Variants in SCHIP1 observed in about 807,000 individuals in gnomAD.
The protein encoded by SCHIP1 is schwannomin interacting protein 1, also known as schwannomin-interacting protein 1.
A neutral mutation model predicts 29.7 loss-of-function variants in SCHIP1; 8 were observed. The ratio of observed to expected loss-of-function variants is 0.27; its 90% CI spans 0.16 to 0.49. The LOEUF (loss-of-function observed/expected upper bound fraction) is 0.49, where lower values mean the gene tolerates loss of function less well. Among genes scored for constraint, SCHIP1 ranks in the 20% least tolerant of loss-of-function variants. The pLI is 0.99. For synonymous variants in SCHIP1, 76 were observed against 94.9 expected, an observed-to-expected ratio of 0.80 and a Z score of 1.16; for missense variants, 193 against 294.6, an observed-to-expected ratio of 0.66 and a Z score of 2.52.
At chr3:159,709,530 C>T in the SCHIP1 span, among the ~76,000 whole-genome samples, 3 of 152,156 alleles carry the variant, frequency 2.0e-5, no homozygotes, top group Admixed American at 1.3e-4. Context: ...TTATTTGCTT[C>T]CCAAAAAAAC....
the SCHIP1 span, among the ~76,000 whole-genome samples, chr3:159,656,695 A>G: frequency 1.3e-5 from 2 of 152,218 alleles, no homozygotes; most frequent in Non-Finnish European, 2.9e-5. Flanking sequence ...TAAAGTGCTT[A>G]GAAAGCCCCC....
chr3:159,834,236 G>C, the SCHIP1 span, among the ~76,000 whole-genome samples: 1 of 152,182 alleles, frequency 6.6e-6, no homozygotes, highest in African/African-American at 2.4e-5. Context: ...CAAGATGTAA[G>C]TTCTAAGGAA....
At chr3:159,756,271 G>A in the SCHIP1 span, among the ~76,000 whole-genome samples, 2 of 152,202 alleles carry the variant, frequency 1.3e-5, no homozygotes, top group Non-Finnish European at 2.9e-5. Flanking sequence ...CTAGGTGGAG[G>A]TTCCCAAACC....
At chr3:159,668,408 A>G in the SCHIP1 span, among the ~76,000 whole-genome samples, 1 of 150,102 alleles carries the variant, frequency 6.7e-6, no homozygotes, top group African/African-American at 2.5e-5. Flanking sequence ...AGTGAGTCCC[A>G]TGAAGGACTT....
the SCHIP1 span, among the ~76,000 whole-genome samples, chr3:159,603,245 T>C: frequency 2.6e-4 from 39 of 152,298 alleles, no homozygotes; most frequent in African/African-American, 8.7e-4. Flanking sequence ...TTCCATGCCT[T>C]CCCTAGGTAT....
the SCHIP1 span, among the ~76,000 whole-genome samples, chr3:159,341,784 C>G: frequency 3.9e-5 from 6 of 152,048 alleles, no homozygotes; most frequent in South Asian, 1.2e-3. Context: ...TGTATCTAAA[C>G]CAAAAGTCCT....
At chr3:159,886,392 T>G in intron 3 of SCHIP1, 68 bp downstream of exon 4, 5 of 1,413,296 alleles carry the variant, frequency 3.5e-6, no homozygotes, top group Non-Finnish European at 5.0e-6. Context: ...TCTTTTCTGT[T>G]GTAAGGTGAA....
the SCHIP1 span, among the ~76,000 whole-genome samples, chr3:159,556,920 TAATAA>T: frequency 6.7e-5 from 10 of 148,992 alleles, no homozygotes; most frequent in African/African-American, 1.5e-4. Context: ...AGTATAATAA[TAATAA>T]AATAAAATAA....
chr3:159,299,084 A>G, the SCHIP1 span, among the ~76,000 whole-genome samples: 1 of 152,226 alleles, frequency 6.6e-6, no homozygotes, highest in East Asian at 1.9e-4. Context: ...ATAATGAGTC[A>G]GAAACTTTCC....
At chr3:159,792,337 T>C in the SCHIP1 span, among the ~76,000 whole-genome samples, 2 of 152,168 alleles carry the variant, frequency 1.3e-5, no homozygotes, top group Admixed American at 6.5e-5. Context: ...TTCTACCGCC[T>C]AAGAGTCTCA....
the SCHIP1 span, among the ~76,000 whole-genome samples, chr3:159,522,801 G>A: frequency 2.6e-5 from 4 of 152,266 alleles, no homozygotes; most frequent in Non-Finnish European, 2.9e-5. Context: ...CCTGGGAGGC[G>A]GAGCTTGCAG....
the SCHIP1 span, among the ~76,000 whole-genome samples, chr3:159,360,301 T>G: frequency 6.6e-6 from 1 of 152,180 alleles, no homozygotes; most frequent in Non-Finnish European, 1.5e-5. Flanking sequence ...TATAGTAGTA[T>G]TCACTTTTTC....
chr3:159,613,671 C>A, the SCHIP1 span, among the ~76,000 whole-genome samples: 1 of 152,166 alleles, frequency 6.6e-6, no homozygotes, highest in Non-Finnish European at 1.5e-5. Context: ...AACCATCTGG[C>A]TAGAGAAGCC....
intron 1 of SCHIP1, among the ~76,000 whole-genome samples, chr3:159,847,724 C>T (rs1384962021): frequency 2.0e-5 from 3 of 152,156 alleles, no homozygotes; most frequent in African/African-American, 7.2e-5. Context: ...GATACTCTGT[C>T]TACTCCCAGC....
the SCHIP1 span, among the ~76,000 whole-genome samples, chr3:159,704,232 C>T: frequency 6.6e-6 from 1 of 151,900 alleles, no homozygotes; most frequent in South Asian, 2.1e-4. Flanking sequence ...CTCAGGAGTT[C>T]AAGGTCAGCC....
chr3:159,721,517 A>T, the SCHIP1 span: 21 of 159,808 alleles, frequency 1.3e-4, no homozygotes, highest in African/African-American at 4.1e-4. Context: ...CATTCTACAC[A>T]TCTCAGTACT....
chr3:159,736,468 C>G, the SCHIP1 span, among the ~76,000 whole-genome samples: 1 of 152,302 alleles, frequency 6.6e-6, no homozygotes, highest in Non-Finnish European at 1.5e-5. Flanking sequence ...CTTGATACAT[C>G]TTTGACTCCC....
the SCHIP1 span, among the ~76,000 whole-genome samples, chr3:159,299,331 C>G: frequency 6.6e-6 from 1 of 152,108 alleles, no homozygotes; most frequent in Admixed American, 6.5e-5. Context: ...ACTGTTTTAT[C>G]CTCTTACTCA....
At chr3:159,602,438 T>C in the SCHIP1 span, among the ~76,000 whole-genome samples, 1 of 152,108 alleles carries the variant, frequency 6.6e-6, no homozygotes, top group East Asian at 1.9e-4. Flanking sequence ...GGGCCAGGCA[T>C]GGTGGCTCAT....
Sources: allele counts gnomAD v4.1 joint callset (sites outside exome capture counted in the v4.1 genomes callset), GRCh38; gene constraint gnomAD v4.1.1; transcripts MANE v1.5; gene names NCBI Gene and HGNC (gene_info 2026-07-23, HGNC 2026-07-21).